The following DLG2 variants were observed in gnomAD, a reference collection of about 807,000 sequenced individuals.
DLG2 encodes the protein disks large homolog 2.
DLG2 carries 45 observed loss-of-function variants against 132.5 expected under a neutral mutation model. That is an observed-to-expected ratio of 0.34 (90% CI 0.27 to 0.44). The LOEUF is 0.44. Ranked by LOEUF, DLG2 falls within the 20% of genes least tolerant of loss-of-function variation. DLG2 has a pLI of 1.00. For missense variants in DLG2, 1,045 were observed against 1,196.9 expected (o/e 0.87, Z 1.87); for synonymous variants, 424 against 419.6 (o/e 1.01, Z -0.13).
chr11:84,601,593 C>T (rs1045311181), intron 6 of DLG2, among the ~76,000 whole-genome samples: 1 of 151,748 alleles, frequency 6.6e-6, no homozygotes, highest in African/African-American at 2.4e-5. Flanking sequence ...TTTGGTATCT[C>T]GGTAGAATTG....
chr11:84,613,190 C>A (rs1311831632), intron 6 of DLG2, among the ~76,000 whole-genome samples: 1 of 152,062 alleles, frequency 6.6e-6, no homozygotes, highest in Non-Finnish European at 1.5e-5. Flanking sequence ...TAAGACTTCA[C>A]AGAATGTTCA....
chr11:85,349,849 G>A (rs2083143825), intron 3 of DLG2, among the ~76,000 whole-genome samples: 1 of 152,146 alleles, frequency 6.6e-6, no homozygotes, highest in Admixed American at 6.5e-5. Context: ...CTTTGCTAGT[G>A]TGAATAGTGC....
At chr11:83,849,750 T>C (rs1417513776) in intron 16 of DLG2, among the ~76,000 whole-genome samples, 1 of 11,462 alleles carries the variant, frequency 8.7e-5, no homozygotes, top group Admixed American at 5.2e-4. Flanking sequence ...CTGGAGCTCC[T>C]TTTTTTTTTT....
intron 9 of DLG2, among the ~76,000 whole-genome samples, chr11:84,138,457 G>A (rs944804596): frequency 1.4e-4 from 21 of 152,234 alleles, no homozygotes; most frequent in South Asian, 2.1e-4. Context: ...TAGGTCAAAC[G>A]TGTGTTGTAA....
chr11:84,477,809 G>C (rs2099125819), intron 7 of DLG2, among the ~76,000 whole-genome samples: 1 of 152,152 alleles, frequency 6.6e-6, no homozygotes, highest in African/African-American at 2.4e-5. Flanking sequence ...ATGAGAGTAT[G>C]TGCTGAAGTT....
chr11:84,050,996 T>A (rs991822947), intron 11 of DLG2, among the ~76,000 whole-genome samples: 45 of 151,904 alleles, frequency 3.0e-4, no homozygotes, highest in African/African-American at 1.0e-3. Flanking sequence ...GAGAAGACAT[T>A]TATGCAGCCA....
At chr11:84,861,558 T>C (rs1296005096) in intron 6 of DLG2, among the ~76,000 whole-genome samples, 2 of 124,700 alleles carry the variant, frequency 1.6e-5, no homozygotes, top group African/African-American at 6.3e-5. Context: ...CCAAAAGCAA[T>C]GGCAATAAAA....
intron 8 of DLG2, among the ~76,000 whole-genome samples, chr11:84,179,786 A>C (rs1463114266): frequency 6.6e-6 from 1 of 152,108 alleles, no homozygotes; most frequent in Non-Finnish European, 1.5e-5. Context: ...GGAAATACCC[A>C]AGTCCAGACC....
intron 6 of DLG2, among the ~76,000 whole-genome samples, chr11:84,751,503 C>G (rs997671191): frequency 1.3e-5 from 2 of 152,048 alleles, no homozygotes; most frequent in Non-Finnish European, 2.9e-5. Context: ...AGTTCTCACT[C>G]TCTTTCTCTG....
chr11:84,789,800 A>C (rs1000578445), intron 6 of DLG2, among the ~76,000 whole-genome samples: 1 of 152,048 alleles, frequency 6.6e-6, no homozygotes, highest in Admixed American at 6.6e-5. Flanking sequence ...AATTGTTTTA[A>C]TTTTTAGCTC....
At chr11:84,386,900 T>C (rs1157469627) in intron 7 of DLG2, among the ~76,000 whole-genome samples, 8 of 152,142 alleles carry the variant, frequency 5.3e-5, no homozygotes, top group Admixed American at 5.2e-4. Context: ...CCTACGCTAT[T>C]TGCCTTTATT....
chr11:84,404,743 A>G (rs1386140799), intron 7 of DLG2, among the ~76,000 whole-genome samples: 2 of 152,202 alleles, frequency 1.3e-5, no homozygotes, highest in Non-Finnish European at 2.9e-5. Flanking sequence ...TGCAAAGGAA[A>G]TATGTGTTGA....
At chr11:84,590,378 G>GT (rs1456479654) in intron 6 of DLG2, among the ~76,000 whole-genome samples, 7 of 152,116 alleles carry the variant, frequency 4.6e-5, no homozygotes, top group African/African-American at 7.2e-5. Flanking sequence ...TGCTTGGCAC[G>GT]TTTTTTCTCC....
intron 19 of DLG2, among the ~76,000 whole-genome samples, chr11:83,560,118 CTTTT>C (rs66687028): frequency 1.4e-5 from 2 of 143,672 alleles, no homozygotes; most frequent in African/African-American, 5.1e-5. Flanking sequence ...CTGAACTTTG[CTTTT>C]TTTTTTTTTC....
intron 3 of DLG2, among the ~76,000 whole-genome samples, chr11:85,486,558 T>C (rs1333462469): frequency 6.6e-6 from 1 of 152,094 alleles, no homozygotes; most frequent in Non-Finnish European, 1.5e-5. Flanking sequence ...TGGCACCTGA[T>C]TAGTCCTGCC....
chr11:83,512,715 A>C (rs940632467), intron 21 of DLG2, among the ~76,000 whole-genome samples: 25 of 149,888 alleles, frequency 1.7e-4, no homozygotes, highest in Non-Finnish European at 3.4e-4. Context: ...CTGGTGTGTG[A>C]TGTTCCCTTT....
intron 18 of DLG2, among the ~76,000 whole-genome samples, chr11:83,680,011 T>C (rs137954363): frequency 1.2e-3 from 187 of 152,322 alleles, no homozygotes; most frequent in African/African-American, 4.4e-3. Context: ...CTTTTAATCC[T>C]GTTTTGAGAG....
At chr11:84,213,874 T>C (rs1390947310) in intron 8 of DLG2, among the ~76,000 whole-genome samples, 1 of 148,448 alleles carries the variant, frequency 6.7e-6, no homozygotes, top group African/African-American at 2.5e-5. Flanking sequence ...AGGTAATTCC[T>C]ATACACAATA....
At chr11:84,688,499 A>G (rs779946514) in intron 6 of DLG2, among the ~76,000 whole-genome samples, 1 of 152,188 alleles carries the variant, frequency 6.6e-6, no homozygotes, top group Non-Finnish European at 1.5e-5. Flanking sequence ...TGATTTACAT[A>G]GGTATTGAGC....
Sources: gnomAD v4.1 joint callset for allele counts (sites outside exome capture counted in the v4.1 genomes callset) on GRCh38, gnomAD v4.1.1 for gene constraint, MANE v1.5 for transcripts, NCBI Gene and HGNC (gene_info 2026-07-23, HGNC 2026-07-21) for gene names.